The following GPC5 variants were observed in gnomAD, a reference collection of about 807,000 sequenced individuals.
GPC5 encodes glypican-5.
A neutral mutation model predicts 53.9 loss-of-function variants in GPC5; 47 were observed. The observed-to-expected ratio is 0.87, with a 90% CI of 0.69 to 1.11. The LOEUF is 1.11. GPC5 is among the 50% of genes most tolerant of loss of function. The probability of loss-of-function intolerance (pLI) is 0.00; values close to 1 mark genes in which losing one functional copy is unlikely to be tolerated. For missense variants in GPC5, 748 were observed against 713.1 expected, an observed-to-expected ratio of 1.05 and a Z score of -0.56; for synonymous variants, 286 against 263.3, an observed-to-expected ratio of 1.09 and a Z score of -0.84.
intron 7 of GPC5, among the ~76,000 whole-genome samples, chr13:92,660,252 A>G (rs1886289810): frequency 6.6e-6 from 1 of 151,988 alleles, no homozygotes; most frequent in Non-Finnish European, 1.5e-5. Context: ...TGGATGCTTG[A>G]TAGGATTCTT....
chr13:91,861,108 C>T (rs891808857), intron 5 of GPC5, among the ~76,000 whole-genome samples: 9 of 151,980 alleles, frequency 5.9e-5, no homozygotes, highest in Admixed American at 3.3e-4. Flanking sequence ...ACTTAAAATC[C>T]GTTTAAACTT....
At chr13:92,402,153 T>C (rs969544395) in intron 7 of GPC5, among the ~76,000 whole-genome samples, 1 of 152,300 alleles carries the variant, frequency 6.6e-6, no homozygotes, top group Non-Finnish European at 1.5e-5. Flanking sequence ...GATATGACTC[T>C]AGCCAGAATT....
chr13:92,035,600 A>G (rs1425176614), intron 6 of GPC5, among the ~76,000 whole-genome samples: 1 of 152,126 alleles, frequency 6.6e-6, no homozygotes, highest in Non-Finnish European at 1.5e-5. Flanking sequence ...AGGAAATGAG[A>G]TTAGCCATTT....
intron 6 of GPC5, among the ~76,000 whole-genome samples, chr13:91,999,063 T>G (rs1435664871): frequency 6.6e-6 from 1 of 152,202 alleles, no homozygotes; most frequent in African/African-American, 2.4e-5. Context: ...TCCTTTCTCT[T>G]TAACCTGAAC....
chr13:91,453,386 T>C (rs1050019715), intron 2 of GPC5, among the ~76,000 whole-genome samples: 11 of 151,962 alleles, frequency 7.2e-5, no homozygotes, highest in African/African-American at 1.4e-4. Flanking sequence ...TGTATATATA[T>C]AGCAAAAGAC....
rs560190027 is a variant in GPC5, at chr13:92,343,037, A to G, written c.1561+198048A>G. On this transcript the variant is annotated intron_variant, in intron 7 of 7. Coordinates refer to ENST00000377067, the MANE Select transcript of GPC5 (RefSeq NM_004466.6). ...TACCATTTCCGTTAAAATAATTTAA[A>G]TAGATAATACATGAAACTATACCAT... Among the ~76,000 whole-genome samples the G allele has an allele frequency of 7.4e-4, 113 of 152,334 alleles. 2 individuals are homozygous for G. In the South Asian group the frequency reaches 0.023, roughly 30 times the overall value.
Position 91,836,941 on chromosome 13 carries a change from A to G in GPC5, c.1281-70996A>G, listed in dbSNP as rs142788015. 7.9e-3 allele frequency among the ~76,000 whole-genome samples: 1,197 copies of G among 151,362 alleles called. 21 individuals carry two copies. The highest frequency in any genetic ancestry group is 0.027 in the African/African-American group (1,133 of 41,458). ...TAAAAATTTGGCCAAATTATTTGCT[A>G]AATTGTTTTTGCCAAATTGAATAAT... On this transcript the variant is annotated intron_variant, in intron 5 of 7. Transcript: ENST00000377067.
chr13:92,312,442 G>C (rs2043151361), intron 7 of GPC5, among the ~76,000 whole-genome samples: 1 of 152,120 alleles, frequency 6.6e-6, no homozygotes, highest in African/African-American at 2.4e-5. Context: ...CAGTGGTTAT[G>C]TCAAAAAATA....
chr13:92,088,346 A>G (rs147220458), intron 6 of GPC5, among the ~76,000 whole-genome samples: 41 of 152,244 alleles, frequency 2.7e-4, no homozygotes, highest in East Asian at 1.2e-3. Context: ...TTGGAATAAT[A>G]TCTCTGAAAA....
Position 92,084,893 on chromosome 13 carries a change from T to C in GPC5, c.1402-59937T>C, listed in dbSNP as rs181003925. ...TTAGACAGGATAATTTAGACAATTATAAAACAGAAATATATTCCTCACAGT... is the reference window on the plus strand; with the variant it reads ...TTAGACAGGATAATTTAGACAATTACAAAACAGAAATATATTCCTCACAGT... On this transcript the variant is annotated intron_variant, in intron 6 of 7. Transcript: ENST00000377067. Among the ~76,000 whole-genome samples the C allele has an allele frequency of 8.1e-4, 123 of 152,308 alleles. 1 individual carries two copies. The highest frequency in any genetic ancestry group is 2.9e-3 in the African/African-American group (121 of 41,566).
intron 2 of GPC5, among the ~76,000 whole-genome samples, chr13:91,460,649 GT>G: frequency 6.6e-6 from 1 of 152,124 alleles, no homozygotes; most frequent in African/African-American, 2.4e-5. Flanking sequence ...AATATTTGCA[GT>G]TTGTGTAAGT....
At chr13:92,622,343 TG>T in intron 7 of GPC5, among the ~76,000 whole-genome samples, 1 of 152,308 alleles carries the variant, frequency 6.6e-6, no homozygotes, top group South Asian at 2.1e-4. Context: ...TGGTTATAGT[TG>T]CTCTGTTGCT....
chr13:91,503,751 G>T (rs947522860), intron 2 of GPC5, among the ~76,000 whole-genome samples: 2 of 148,504 alleles, frequency 1.3e-5, no homozygotes, highest in African/African-American at 4.9e-5. Flanking sequence ...TTGCACTCCA[G>T]CCTGGGGACA....
intron 7 of GPC5, among the ~76,000 whole-genome samples, chr13:92,475,391 GT>G (rs746571074): frequency 7.7e-4 from 113 of 146,506 alleles, no homozygotes; most frequent in Middle Eastern, 3.4e-3. Flanking sequence ...GCAGTGGTTT[GT>G]AGTTCTCCTT....
chr13:91,594,311 G>T (rs1456239345), intron 2 of GPC5, among the ~76,000 whole-genome samples: 1 of 152,154 alleles, frequency 6.6e-6, no homozygotes, highest in African/African-American at 2.4e-5. Flanking sequence ...CTTAGTGTGT[G>T]CATTTTTCAG....
rs145941803 is a variant in GPC5, at chr13:92,317,747, C to T, written c.1561+172758C>T. Among the ~76,000 whole-genome samples, 184 of 152,172 alleles carry T rather than the reference C, an allele frequency of 1.2e-3. 4 individuals are homozygous for T. The East Asian group carries it at 0.031, about 26-fold the overall frequency. On this transcript the variant is annotated intron_variant, in intron 7 of 7. Coordinates refer to ENST00000377067, the MANE Select transcript of GPC5 (RefSeq NM_004466.6). Reference sequence around the variant, plus strand: ...AAACTCCTGACCTCAAATGATCCACCGCCTCAGCCTCCCATAGTGCTGGGA... The same window carrying T: ...AAACTCCTGACCTCAAATGATCCACTGCCTCAGCCTCCCATAGTGCTGGGA...
intron 7 of GPC5, among the ~76,000 whole-genome samples, chr13:92,149,985 C>A (rs2041895665): frequency 6.6e-6 from 1 of 151,684 alleles, no homozygotes; most frequent in Non-Finnish European, 1.5e-5. Context: ...CATATTCTTT[C>A]TAAAATTAAA....
At chr13:91,443,013 T>C (rs1307777474) in intron 1 of GPC5, among the ~76,000 whole-genome samples, 2 of 152,220 alleles carry the variant, frequency 1.3e-5, no homozygotes, top group Non-Finnish European at 2.9e-5. Flanking sequence ...CTCATCATCC[T>C]GTAAAGCTGA....
chr13:92,692,741 A>G (rs1431541912), intron 7 of GPC5, among the ~76,000 whole-genome samples: 1 of 100,196 alleles, frequency 1.0e-5, no homozygotes, highest in African/African-American at 3.6e-5. Context: ...CCAAAGCCTC[A>G]CCAATATCGG....
Sources: allele counts gnomAD v4.1 joint callset (sites outside exome capture counted in the v4.1 genomes callset), GRCh38; gene constraint gnomAD v4.1.1; transcripts MANE v1.5; gene names NCBI Gene and HGNC (gene_info 2026-07-23, HGNC 2026-07-21).